Variants in POU6F2 observed in about 807,000 individuals in gnomAD.
POU6F2 encodes the protein POU class 6 homeobox 2.
POU6F2 carries 31 observed loss-of-function variants against 71.3 expected under a neutral mutation model. The observed-to-expected ratio is 0.43, with a 90% CI of 0.33 to 0.59. The LOEUF (loss-of-function observed/expected upper bound fraction) is 0.59, where lower values mean the gene tolerates loss of function less well. Among genes scored for constraint, POU6F2 ranks in the 20% least tolerant of loss-of-function variants. POU6F2 has a pLI of 0.04. For missense variants in POU6F2, 783 were observed against 856.8 expected, an observed-to-expected ratio of 0.91 and a Z score of 1.07; for synonymous variants, 347 against 355.7, an observed-to-expected ratio of 0.98 and a Z score of 0.27.
intron 1 of POU6F2, among the ~76,000 whole-genome samples, chr7:39,055,167 A>G (rs1369212656): frequency 2.0e-5 from 3 of 152,116 alleles, no homozygotes; most frequent in Non-Finnish European, 4.4e-5. Context: ...AAATAAATTA[A>G]TTAGCCTTGG....
At chr7:39,302,270 G>T (rs1214151453) in intron 4 of POU6F2, among the ~76,000 whole-genome samples, 2 of 152,172 alleles carry the variant, frequency 1.3e-5, no homozygotes, top group Non-Finnish European at 2.9e-5. Context: ...CAACAGGGGG[G>T]ATCTACCCCA....
At chr7:39,026,352 A>C (rs558557539) in intron 1 of POU6F2, among the ~76,000 whole-genome samples, 1,601 of 152,066 alleles carry the variant, frequency 0.011, 30 homozygotes, top group African/African-American at 0.036. Context: ...AACCAACCCA[A>C]ATGTCTAACA....
intron 1 of POU6F2, among the ~76,000 whole-genome samples, chr7:38,981,051 GGTTCATTCACACAATTTT>G (rs1477273054): frequency 6.6e-6 from 1 of 152,054 alleles, no homozygotes; most frequent in African/African-American, 2.4e-5. Context: ...GAAGAAACTT[GGTTCATTCACACAATTTT>G]TGGAAATCAA....
intron 1 of POU6F2, among the ~76,000 whole-genome samples, chr7:39,078,865 G>A (rs978120014): frequency 6.6e-5 from 10 of 152,086 alleles, no homozygotes; most frequent in African/African-American, 2.4e-4. Flanking sequence ...GAGTGCCTTG[G>A]TTCTAAAGGC....
chr7:39,007,487 T>C (rs1204695269), intron 1 of POU6F2, among the ~76,000 whole-genome samples: 2 of 152,200 alleles, frequency 1.3e-5, no homozygotes, highest in Non-Finnish European at 2.9e-5. Context: ...ACAGAATTTA[T>C]CTCCAGTTTT....
chr7:39,139,977 A>G (rs892959080), intron 2 of POU6F2, among the ~76,000 whole-genome samples: 3 of 152,218 alleles, frequency 2.0e-5, no homozygotes, highest in Admixed American at 2.0e-4. Context: ...GCAGGAATTC[A>G]CATTAGAGAC....
At chr7:39,187,849 T>G (rs1034933522) in intron 2 of POU6F2, among the ~76,000 whole-genome samples, 1 of 152,216 alleles carries the variant, frequency 6.6e-6, no homozygotes, top group Non-Finnish European at 1.5e-5. Flanking sequence ...TGAAACCCCC[T>G]TGTCCTCTGG....
intron 2 of POU6F2, among the ~76,000 whole-genome samples, chr7:39,125,285 C>G (rs537064556): frequency 6.6e-6 from 1 of 152,268 alleles, no homozygotes; most frequent in East Asian, 1.9e-4. Context: ...GATTCCTATA[C>G]AGCTAGAATT....
chr7:39,131,844 T>TC (rs1792290818), intron 2 of POU6F2, among the ~76,000 whole-genome samples: 2 of 152,094 alleles, frequency 1.3e-5, no homozygotes, highest in African/African-American at 4.8e-5. Context: ...GTTTTATATT[T>TC]TTTTTTTATG....
At chr7:39,403,363 C>T (rs1005741868) in intron 5 of POU6F2, among the ~76,000 whole-genome samples, 1 of 152,168 alleles carries the variant, frequency 6.6e-6, no homozygotes, top group Non-Finnish European at 1.5e-5. Flanking sequence ...GCAAATCCTT[C>T]CTTTAGAAAG....
intron 4 of POU6F2, among the ~76,000 whole-genome samples, chr7:39,332,636 A>G (rs762961472): frequency 6.6e-5 from 10 of 152,134 alleles, no homozygotes; most frequent in Non-Finnish European, 1.2e-4. Context: ...TTTTAGCTAT[A>G]TAGTTTTGCT....
chr7:39,462,585 A>G (rs1788975729), intron 9 of POU6F2, among the ~76,000 whole-genome samples: 1 of 152,208 alleles, frequency 6.6e-6, no homozygotes, highest in East Asian at 1.9e-4. Context: ...TTGTGACGCT[A>G]TCAAATATTT....
intron 1 of POU6F2, among the ~76,000 whole-genome samples, chr7:39,012,742 C>A (rs1789333480): frequency 6.6e-6 from 1 of 151,070 alleles, no homozygotes; most frequent in African/African-American, 2.4e-5. Context: ...TTCCTTCTAA[C>A]AGACAGGACC....
chr7:39,447,825 A>G (rs1392899980), intron 7 of POU6F2, among the ~76,000 whole-genome samples: 2 of 152,166 alleles, frequency 1.3e-5, no homozygotes, highest in African/African-American at 4.8e-5. Context: ...TAATACTTAA[A>G]TGTCTATTTC....
chr7:39,168,892 A>G (rs542903800), intron 2 of POU6F2, among the ~76,000 whole-genome samples: 1 of 152,336 alleles, frequency 6.6e-6, no homozygotes, highest in South Asian at 2.1e-4. Flanking sequence ...AATGCTGTAC[A>G]GCTGCGCCCA....
chr7:39,058,270 G>A (rs1790576590), intron 1 of POU6F2, among the ~76,000 whole-genome samples: 1 of 152,190 alleles, frequency 6.6e-6, no homozygotes, highest in Admixed American at 6.5e-5. Context: ...TGTACTAGGA[G>A]CCAGTCAATG....
chr7:39,095,617 A>G (rs1734643308), intron 2 of POU6F2, among the ~76,000 whole-genome samples: 2 of 152,176 alleles, frequency 1.3e-5, no homozygotes, highest in Admixed American at 1.3e-4. Flanking sequence ...ATGGATTCTT[A>G]GAGTGACAGA....
At chr7:39,347,862 G>A (rs1022886979) in intron 5 of POU6F2, among the ~76,000 whole-genome samples, 4 of 142,748 alleles carry the variant, frequency 2.8e-5, no homozygotes, top group Non-Finnish European at 3.1e-5. Context: ...GAACTCCTGG[G>A]CTCAAGTGAT....
chr7:39,160,479 A>G lies in POU6F2; in HGVS notation c.278-43756A>G, dbSNP rs571289024. Among the ~76,000 whole-genome samples, 6 of 152,112 alleles carry G rather than the reference A, an allele frequency of 3.9e-5. No individual in the cohort carries two copies. The East Asian group carries it at 1.2e-3, about 30-fold the overall frequency. On this transcript the variant is annotated intron_variant, in intron 2 of 9. Transcript: ENST00000518318. ...CGCACCTATGATTCTCCTTGTTGCC[A>G]CTCATCTATGACAAACACCTCAGCT...
Sources: allele counts gnomAD v4.1 joint callset (sites outside exome capture counted in the v4.1 genomes callset), GRCh38; gene constraint gnomAD v4.1.1; transcripts MANE v1.5; gene names NCBI Gene and HGNC (gene_info 2026-07-23, HGNC 2026-07-21).